NUBPL: variants seen among roughly 807,000 people sequenced by gnomAD.
NUBPL encodes the protein NUBP iron-sulfur cluster assembly factor, mitochondrial.
A neutral mutation model predicts 45.7 loss-of-function variants in NUBPL; 31 were observed. The observed-to-expected ratio is 0.68, with a 90% CI of 0.51 to 0.92. NUBPL has a LOEUF of 0.92. Among genes scored for constraint, NUBPL ranks in the 40% least tolerant of loss-of-function variants. The pLI is 0.00. For synonymous variants in NUBPL, 144 were observed against 140.9 expected (o/e 1.02, Z -0.15); for missense variants, 401 against 398.7 (o/e 1.01, Z -0.05).
At chr14:31,703,225 T>A (rs896846614) in intron 6 of NUBPL, 7 of 152,376 alleles carry the variant, frequency 4.6e-5, no homozygotes, top group African/African-American at 1.7e-4. Flanking sequence ...TTAACCATGA[T>A]CCTAGGACTT....
At chr14:31,684,179 G>A (rs1038556931) in intron 6 of NUBPL, among the ~76,000 whole-genome samples, 2 of 152,132 alleles carry the variant, frequency 1.3e-5, no homozygotes, top group Non-Finnish European at 2.9e-5. Context: ...CTGAGCTTTT[G>A]TTTTCTCATC....
At chr14:31,798,426 T>A (rs1438920882) in intron 7 of NUBPL, among the ~76,000 whole-genome samples, 1 of 151,810 alleles carries the variant, frequency 6.6e-6, no homozygotes, top group African/African-American at 2.4e-5. Context: ...GCTATTTGAT[T>A]ACTTGCAGGC....
At chr14:31,710,411 G>A (rs150522416) in intron 6 of NUBPL, among the ~76,000 whole-genome samples, 223 of 152,106 alleles carry the variant, frequency 1.5e-3, no homozygotes, top group Middle Eastern at 0.014. Flanking sequence ...GAATAGTTGC[G>A]CTCACCAACG....
chr14:31,752,161 C>A (rs1410504719), intron 6 of NUBPL, among the ~76,000 whole-genome samples: 2 of 152,196 alleles, frequency 1.3e-5, no homozygotes, highest in Non-Finnish European at 2.9e-5. Flanking sequence ...TAACATTTTG[C>A]TCCTCATTAC....
intron 6 of NUBPL, among the ~76,000 whole-genome samples, chr14:31,709,854 G>A (rs2037532059): frequency 6.6e-6 from 1 of 152,176 alleles, no homozygotes; most frequent in South Asian, 2.1e-4. Context: ...GGGGAGATTA[G>A]AGGAGGATTA....
intron 3 of NUBPL, among the ~76,000 whole-genome samples, chr14:31,596,308 C>T (rs1046831170): frequency 1.3e-5 from 2 of 151,994 alleles, no homozygotes; most frequent in Non-Finnish European, 1.5e-5. Context: ...AAAATCTAGC[C>T]AATTAAGGAT....
chr14:31,733,612 C>T (rs2038101453), intron 6 of NUBPL, among the ~76,000 whole-genome samples: 1 of 152,022 alleles, frequency 6.6e-6, no homozygotes, highest in African/African-American at 2.4e-5. Flanking sequence ...TACAAAGAAA[C>T]ATAATTGAGT....
chr14:31,822,565 GTCT>G (rs1566582857), intron 7 of NUBPL, among the ~76,000 whole-genome samples: 1 of 152,048 alleles, frequency 6.6e-6, no homozygotes, highest in Non-Finnish European at 1.5e-5. Context: ...TTATGTTTCT[GTCT>G]TCTTCAACAA....
intron 3 of NUBPL, among the ~76,000 whole-genome samples, chr14:31,574,941 A>T (rs2033683001): frequency 1.3e-5 from 2 of 152,218 alleles, no homozygotes; most frequent in Admixed American, 1.3e-4. Context: ...CATTGCTACA[A>T]GGAATCATTA....
At chr14:31,642,598 A>G (rs372592025) in intron 4 of NUBPL, among the ~76,000 whole-genome samples, 35 of 152,228 alleles carry the variant, frequency 2.3e-4, no homozygotes, top group African/African-American at 7.9e-4. Context: ...ACTTTGTAGT[A>G]TATTTTGAAG....
At chr14:31,700,698 T>C (rs2139891347) in intron 6 of NUBPL, among the ~76,000 whole-genome samples, 1 of 152,246 alleles carries the variant, frequency 6.6e-6, no homozygotes, top group African/African-American at 2.4e-5. Flanking sequence ...GGCCAGCAGC[T>C]GTGGAGGGTG....
At chr14:31,853,341 C>T (rs1382616574) in intron 10 of NUBPL, among the ~76,000 whole-genome samples, 2 of 152,168 alleles carry the variant, frequency 1.3e-5, no homozygotes, top group African/African-American at 4.8e-5. Flanking sequence ...CAGACATGAG[C>T]CATCACACCT....
chr14:31,642,971 A>C (rs761074156), intron 4 of NUBPL, among the ~76,000 whole-genome samples: 5 of 152,100 alleles, frequency 3.3e-5, no homozygotes, highest in Non-Finnish European at 7.4e-5. Context: ...CTGTTGGTGT[A>C]TATAAGTGCT....
At chr14:31,695,090 G>A (rs575220267) in intron 6 of NUBPL, among the ~76,000 whole-genome samples, 1 of 152,190 alleles carries the variant, frequency 6.6e-6, no homozygotes, top group South Asian at 2.1e-4. Flanking sequence ...CATCAGGTTG[G>A]TAATAGTGTT....
At chr14:31,758,012 C>T (rs2038710513) in intron 6 of NUBPL, among the ~76,000 whole-genome samples, 1 of 152,088 alleles carries the variant, frequency 6.6e-6, no homozygotes, top group Admixed American at 6.6e-5. Context: ...TCTCGATATA[C>T]AGGTCTTATC....
At chr14:31,653,044 T>G (rs1308266288) in intron 4 of NUBPL, among the ~76,000 whole-genome samples, 1 of 152,000 alleles carries the variant, frequency 6.6e-6, no homozygotes, top group African/African-American at 2.4e-5. Context: ...GAAGGGGGTG[T>G]ACGAACGGGA....
At chr14:31,756,912 G>T (rs758261879) in intron 6 of NUBPL, among the ~76,000 whole-genome samples, 1 of 146,064 alleles carries the variant, frequency 6.8e-6, no homozygotes, top group South Asian at 2.2e-4. Flanking sequence ...TAGCATGAAG[G>T]GTTGTTGAAT....
chr14:31,725,709 CTTTTTTT>C (rs375160082), intron 6 of NUBPL, among the ~76,000 whole-genome samples: 3 of 104,974 alleles, frequency 2.9e-5, no homozygotes, highest in Admixed American at 1.2e-4. Flanking sequence ...TAGATTTCAG[CTTTTTTT>C]TTTTTTTTTT....
chr14:31,658,982 G>GT (rs1566482200), intron 4 of NUBPL, among the ~76,000 whole-genome samples: 1 of 152,196 alleles, frequency 6.6e-6, no homozygotes, highest in Non-Finnish European at 1.5e-5. Flanking sequence ...CATTTATTAA[G>GT]TGTCAGATGC....
Sources: gnomAD v4.1 joint callset for allele counts (sites outside exome capture counted in the v4.1 genomes callset) on GRCh38, gnomAD v4.1.1 for gene constraint, MANE v1.5 for transcripts, NCBI Gene and HGNC (gene_info 2026-07-23, HGNC 2026-07-21) for gene names.